The following MTA3 variants were observed in gnomAD, a reference collection of about 807,000 sequenced individuals.
MTA3 encodes metastasis associated 1 family member 3.
A neutral mutation model predicts 83.5 loss-of-function variants in MTA3; 34 were observed. The ratio of observed to expected loss-of-function variants is 0.41; its 90% CI spans 0.31 to 0.54. The LOEUF (loss-of-function observed/expected upper bound fraction) is 0.54. MTA3 is among the 20% of genes least tolerant of loss of function. MTA3 has a pLI of 0.33. For synonymous variants in MTA3, 303 were observed against 252.7 expected (o/e 1.20, Z -1.89); for missense variants, 761 against 726.4 (o/e 1.05, Z -0.55).
At chr2:42,729,086 G>GTTTTTTGTTTTTTTTTTTGTTTTT (rs1430675726) in intron 16 of MTA3, among the ~76,000 whole-genome samples, 1 of 60,142 alleles carries the variant, frequency 1.7e-5, no homozygotes, top group Non-Finnish European at 3.0e-5. Context: ...CACAGTTTGA[G>GTTTTTTGTTTTTTTTTTTGTTTTT]TTTTTTTTTT....
At chr2:42,571,943 G>C (rs1259502090) in intron 2 of MTA3, among the ~76,000 whole-genome samples, 137 of 138,602 alleles carry the variant, frequency 9.9e-4, no homozygotes, top group African/African-American at 3.5e-3. Flanking sequence ...GTGAAACTCC[G>C]TCTCAAAAAA....
intron 4 of MTA3, chr2:42,613,962 C>T (rs1420443010): frequency 6.6e-6 from 1 of 151,998 alleles, no homozygotes; most frequent in African/African-American, 2.4e-5. Context: ...TGATTGAGGT[C>T]GCTGAATAAT....
rs1403230475 is a variant in MTA3, at chr2:42,570,510, C to T, written c.96+6C>T. The T allele has an allele frequency of 7.0e-7, 1 of 1,424,146 alleles. No individual in the cohort carries two copies. Among genetic ancestry groups the T allele is most frequent in the Non-Finnish European group, 9.4e-7 (1 of 1,058,406 alleles). 88.2% of individuals were successfully genotyped at this position (1,424,146 alleles called of 1,614,324 possible). A position where few individuals can be genotyped will look rare whatever the true frequency, so the allele number is the denominator to read the frequency against. On this transcript the variant is annotated splice_donor_region_variant and intron_variant, in intron 2 of 16. Transcript: ENST00000405094. ...GGATAGAAGAACTCAACAAGGTATA[C>T]ACTGAGTGTTCTTAATTTTAATATT...
chr2:42,677,601 C>A (rs754368117), intron 8 of MTA3, among the ~76,000 whole-genome samples: 8 of 152,150 alleles, frequency 5.3e-5, no homozygotes, highest in Non-Finnish European at 8.8e-5. Flanking sequence ...GCCTCAGCCT[C>A]CCAAAGTACT....
At chr2:42,645,521 T>C (rs1573454335) in intron 6 of MTA3, among the ~76,000 whole-genome samples, 2 of 120,184 alleles carry the variant, frequency 1.7e-5, no homozygotes, top group East Asian at 2.2e-4. Flanking sequence ...TGAGACTTTG[T>C]CTAAAAAACA....
intron 2 of MTA3, among the ~76,000 whole-genome samples, chr2:42,512,364 A>G (rs1207289666): frequency 1.3e-5 from 2 of 152,180 alleles, no homozygotes; most frequent in South Asian, 2.1e-4. Flanking sequence ...CTGTAACTCC[A>G]TGCTGCCATG....
chr2:42,671,275 C>T (rs1690767781), intron 8 of MTA3, among the ~76,000 whole-genome samples: 1 of 152,024 alleles, frequency 6.6e-6, no homozygotes, highest in South Asian at 2.1e-4. Context: ...TCAAATTTAA[C>T]ATTTTTACAG....
At position 42,742,889 on chromosome 2, in the gene MTA3, A is replaced by C. The variant is rs1669135561; in HGVS notation, c.1760-10485A>C. 2.6e-5 allele frequency among the ~76,000 whole-genome samples: 4 copies of C among 152,206 alleles called. No individual in the cohort carries two copies. The South Asian group carries it at 8.3e-4, about 31-fold the overall frequency. On this transcript the variant is annotated intron_variant, in intron 16 of 16. Coordinates refer to ENST00000405094, the MANE Select transcript of MTA3 (RefSeq NM_001330442.2). The stretch of plus-strand genomic sequence containing the variant: ...AAATATGACTTATGGATTTGCTTGA[A>C]GGTAGATGGTTATATTCCAATGGAT...
At chr2:42,586,330 A>G (rs1417510722) in intron 3 of MTA3, among the ~76,000 whole-genome samples, 1 of 151,576 alleles carries the variant, frequency 6.6e-6, no homozygotes, top group Non-Finnish European at 1.5e-5. Context: ...TACGCCTGTA[A>G]TCCAAGCACT....
intron 4 of MTA3, among the ~76,000 whole-genome samples, chr2:42,631,952 A>C (rs1465705218): frequency 6.6e-6 from 1 of 152,112 alleles, no homozygotes; most frequent in African/African-American, 2.4e-5. Flanking sequence ...GGCCTCCCAA[A>C]GTGCTGGGAT....
At chr2:42,631,071 C>T (rs1004090023) in intron 4 of MTA3, among the ~76,000 whole-genome samples, 7 of 152,154 alleles carry the variant, frequency 4.6e-5, no homozygotes, top group African/African-American at 1.7e-4. Flanking sequence ...TTTCTTCCTG[C>T]TCATTTAATT....
intron 3 of MTA3, among the ~76,000 whole-genome samples, chr2:42,593,335 A>G (rs1681267483): frequency 9.7e-6 from 1 of 103,468 alleles, no homozygotes; most frequent in Non-Finnish European, 1.9e-5. Context: ...TGGGTGACAG[A>G]GCGAGACTCT....
At chr2:42,593,564 T>A (rs1351764255) in intron 3 of MTA3, among the ~76,000 whole-genome samples, 32 of 152,202 alleles carry the variant, frequency 2.1e-4, no homozygotes. Context: ...TTGGAGTTTT[T>A]CAGCTTCATT....
rs184806613 is a variant in MTA3 at position 42,748,872 on chromosome 2, C to A, written c.1760-4502C>A. 3.9e-5 allele frequency among the ~76,000 whole-genome samples: 6 copies of A among 152,266 alleles called. No homozygotes were observed. The South Asian group carries it at 1.2e-3, about 32-fold the overall frequency. On this transcript the variant is annotated intron_variant, in intron 16 of 16. Transcript: ENST00000405094. ...AAGGAGTTACATTGGTGGATCACTT[C>A]GATTCTGTGGAGGCTTGGTTTGAAG...
chr2:42,497,998 C>T (rs1340313551), intron 2 of MTA3, among the ~76,000 whole-genome samples: 1 of 152,166 alleles, frequency 6.6e-6, no homozygotes, highest in African/African-American at 2.4e-5. Context: ...CTGGCTTGAA[C>T]ACAGATTCCT....
intron 16 of MTA3, among the ~76,000 whole-genome samples, chr2:42,741,932 G>A (rs573751085): frequency 6.6e-6 from 1 of 152,300 alleles, no homozygotes; most frequent in East Asian, 1.9e-4. Context: ...TTAATGCAGA[G>A]TTGCCAACAA....
At chr2:42,737,083 C>A (rs1351366682) in intron 16 of MTA3, among the ~76,000 whole-genome samples, 1 of 152,166 alleles carries the variant, frequency 6.6e-6, no homozygotes, top group Non-Finnish European at 1.5e-5. Flanking sequence ...AGCTGTGCTG[C>A]CTGAGACTGG....
intron 3 of MTA3, among the ~76,000 whole-genome samples, chr2:42,607,672 T>G (rs1037146518): frequency 7.2e-5 from 11 of 152,140 alleles, no homozygotes; most frequent in South Asian, 2.1e-4. Flanking sequence ...TCTTTTGAAT[T>G]CTCTTTACTC....
At chr2:42,695,921 C>G in intron 10 of MTA3, 82 bp downstream of exon 10, 1 of 905,126 alleles carries the variant, frequency 1.1e-6, no homozygotes, top group Non-Finnish European at 1.7e-6. Flanking sequence ...TGGCGATGTA[C>G]TACTTTTAAA....
Sources: allele counts gnomAD v4.1 joint callset (sites outside exome capture counted in the v4.1 genomes callset), GRCh38; gene constraint gnomAD v4.1.1; transcripts MANE v1.5; gene names NCBI Gene and HGNC (gene_info 2026-07-23, HGNC 2026-07-21).